Variants in CXCR5 observed in about 807,000 individuals in gnomAD.
The protein encoded by CXCR5 is C-X-C chemokine receptor type 5.
In CXCR5, 3 loss-of-function variants were observed where a neutral mutation model predicts 5.6. The observed-to-expected ratio is 0.54, with a 90% CI of 0.24 to 1.39. The LOEUF (loss-of-function observed/expected upper bound fraction) is 1.39, where lower values mean the gene tolerates loss of function less well. Among genes scored for constraint, CXCR5 ranks in the 40% most tolerant of loss-of-function variants. CXCR5 has a pLI of 0.16. For missense variants in CXCR5, 333 were observed against 494.6 expected (o/e 0.67, Z 3.10); for synonymous variants, 218 against 219.9 (o/e 0.99, Z 0.08).
intron 1 of CXCR5, 79 bp downstream of exon 1, chr11:118,884,071 G>T: frequency 7.0e-7 from 1 of 1,426,530 alleles, no homozygotes; most frequent in South Asian, 1.2e-5. Flanking sequence ...CCGAGGGAGA[G>T]GGGACAGTGT....
intron 1 of CXCR5, among the ~76,000 whole-genome samples, chr11:118,890,016 GCCCTGCTTCTCTCCT>G (rs1434498428): frequency 1.3e-5 from 2 of 152,184 alleles, no homozygotes; most frequent in Non-Finnish European, 1.5e-5. Context: ...ACCGCCCCAG[GCCCTGCTTCTCTCCT>G]CCCTGTCTGA....
intron 1 of CXCR5, chr11:118,886,262 T>A: frequency 9.4e-6 from 4 of 427,360 alleles, no homozygotes; most frequent in Admixed American, 3.0e-5. Flanking sequence ...CCATACCAGG[T>A]ATTGGTTCAC....
In CXCR5 at chr11:118,893,865, C is replaced by T. The variant is rs369772789; in HGVS notation, c.321C>T (p.Ala107=). Reference sequence around the variant, plus strand: ...TGCTGGTCTTCATCTTGCCCTTTGCCGTGGCCGAGGGCTCTGTGGGCTGGG... The same window carrying T: ...TGCTGGTCTTCATCTTGCCCTTTGCTGTGGCCGAGGGCTCTGTGGGCTGGG... The part of the protein sequence containing the change: ...DLLLVFILPF[A]VAEGSVGWVL... The change falls in exon 2 of 2, where the codon GCC becomes GCT. Residue 107 remains alanine, a synonymous_variant. Transcript: ENST00000292174. The surrounding 1 kb of genome is among the most constrained non-coding windows in gnomAD (Gnocchi z 5.7). The T allele has an allele frequency of 2.0e-5, 32 of 1,614,046 alleles. No individual in the cohort carries two copies. Among genetic ancestry groups the T allele is most frequent in the Non-Finnish European group, 2.5e-5 (29 of 1,180,054 alleles).
intron 1 of CXCR5, among the ~76,000 whole-genome samples, chr11:118,885,007 T>A (rs1939688376): frequency 6.6e-6 from 1 of 152,112 alleles, no homozygotes; most frequent in South Asian, 2.1e-4. Flanking sequence ...TCCTACCAAC[T>A]CTCCTGTCCC....
At chr11:118,886,236 T>TCCTCCTTG in intron 1 of CXCR5, 1 of 415,926 alleles carries the variant, frequency 2.4e-6, no homozygotes, top group Non-Finnish European at 4.6e-6. Flanking sequence ...CTTCCTATTC[T>TCCTCCTTG]CCTCCTTGTC....
intron 1 of CXCR5, among the ~76,000 whole-genome samples, chr11:118,892,091 C>T (rs1591966770): frequency 6.6e-6 from 1 of 152,044 alleles, no homozygotes; most frequent in East Asian, 1.9e-4. Context: ...GAGATGGTCT[C>T]CTGAGCATTA....
At chr11:118,887,483 C>T in intron 1 of CXCR5, 1 of 953,398 alleles carries the variant, frequency 1.0e-6, no homozygotes, top group South Asian at 4.8e-5. Context: ...CTTAAACTCT[C>T]CCCCTAACAC....
rs1298877247 is a variant in CXCR5 at position 118,894,610 on chromosome 11, C to T, written c.1066C>T (p.Arg356Cys). 2.6e-6 allele frequency: 4 copies of T among 1,520,386 alleles called. No homozygotes were observed. The highest frequency in any genetic ancestry group is 2.8e-5 in the African/African-American group (2 of 71,812). 94.2% of individuals were successfully genotyped at this position (1,520,386 alleles called of 1,614,324 possible). A position where few individuals can be genotyped will look rare whatever the true frequency, so the allele number is the denominator to read the frequency against. ...CCTGTGCCAGCTCTTCCCTAGCTGG[C>T]GCAGGAGCAGTCTCTCTGAGTCAGA... ...ASLCQLFPSW[R>C]RSSLSESENA... The change falls in exon 2 of 2, where the codon CGC becomes TGC. Residue 356 changes from arginine to cysteine, a missense_variant. Coordinates refer to ENST00000292174, the MANE Select transcript of CXCR5 (RefSeq NM_001716.5). The surrounding 1 kb of genome is among the most constrained non-coding windows in gnomAD (Gnocchi z 6.1).
chr11:118,889,723 C>T (rs1160270358), intron 1 of CXCR5, among the ~76,000 whole-genome samples: 1 of 152,168 alleles, frequency 6.6e-6, no homozygotes, highest in African/African-American at 2.4e-5. Context: ...CCCATCTTAC[C>T]CTCTCTGAAC....
chr11:118,894,983 A>G lies in CXCR5; in HGVS notation c.*320A>G, dbSNP rs1237552393. ...CCATCCTAATCATCCAATGCTCAAG[A>G]AACAACTTCTACTTCTGCCCTTGCC... On this transcript the variant is annotated 3_prime_UTR_variant, in exon 2 of 2. Transcript: ENST00000292174. This position sits in a 1 kb window ranked among gnomAD's most constrained non-coding sequence, Gnocchi z 6.1. The G allele has an allele frequency of 6.8e-6, 2 of 293,590 alleles. No homozygotes were observed. The highest frequency in any genetic ancestry group is 5.1e-5 in the Admixed American group (1 of 19,754). The allele number at this position is 293,590 out of a possible 1,614,324, so 18.2% of individuals were successfully genotyped here.
rs1939956838 is a variant in CXCR5 at position 118,897,373 on chromosome 11, G to A, written c.*2710G>A. Reference sequence around the variant, plus strand: ...TCCTTCATCCCAAACTGGGACAAAAGACTTCAAGTTCTGGCTAAGATGTAG... The same window carrying A: ...TCCTTCATCCCAAACTGGGACAAAAAACTTCAAGTTCTGGCTAAGATGTAG... On this transcript the variant is annotated 3_prime_UTR_variant, in exon 2 of 2. Coordinates refer to ENST00000292174, the MANE Select transcript of CXCR5 (RefSeq NM_001716.5). 5.4e-6 allele frequency: 1 copy of A among 184,222 alleles called. No individual in the cohort carries two copies. Among genetic ancestry groups the A allele is most frequent in the Non-Finnish European group, 1.2e-5 (1 of 86,084 alleles). The allele number at this position is 184,222 out of a possible 1,614,324, so 11.4% of individuals were successfully genotyped here. A position where few individuals can be genotyped will look rare whatever the true frequency, so the allele number is the denominator to read the frequency against.
rs537459692 is a variant in CXCR5 at position 118,884,322 on chromosome 11, C to A, written c.51+330C>A. Among the ~76,000 whole-genome samples, 274 of 152,188 alleles carry A rather than the reference C, an allele frequency of 1.8e-3. 1 individual carries two copies. The highest frequency in any genetic ancestry group is 2.9e-3 in the Non-Finnish European group (200 of 68,016). ...TCTTTCTCTCCTTTTCTCTTAGGGTCGGAATATGGAACTAGACAGGAAAGT... is the reference window on the plus strand; with the variant it reads ...TCTTTCTCTCCTTTTCTCTTAGGGTAGGAATATGGAACTAGACAGGAAAGT... On this transcript the variant is annotated intron_variant, in intron 1 of 1. Coordinates refer to ENST00000292174, the MANE Select transcript of CXCR5 (RefSeq NM_001716.5).
chr11:118,894,034 C>T lies in CXCR5; in HGVS notation c.490C>T (p.Leu164Phe), dbSNP rs149961413. 1.9e-6 allele frequency: 3 copies of T among 1,613,946 alleles called. No individual in the cohort carries two copies. The highest frequency in any genetic ancestry group is 2.2e-5 in the East Asian group (1 of 44,870). Residue 164 changes from leucine to phenylalanine, a missense_variant, in exon 2 of 2, where the codon CTC becomes TTC. Physicochemically the swap from Leu to Phe is conservative, Grantham distance 22 (BLOSUM62 0). Transcript: ENST00000292174. The surrounding 1 kb of genome is among the most constrained non-coding windows in gnomAD (Gnocchi z 6.1). ...AVHAYRHRRL[L>F]SIHITCGTIW... Reference sequence around the variant, plus strand: ...CCATGCCTACCGCCACCGCCGCCTCCTCTCCATCCACATCACCTGTGGGAC... The same window carrying T: ...CCATGCCTACCGCCACCGCCGCCTCTTCTCCATCCACATCACCTGTGGGAC...
chr11:118,885,494 C>G (rs1591963473), intron 1 of CXCR5, among the ~76,000 whole-genome samples: 1 of 152,174 alleles, frequency 6.6e-6, no homozygotes, highest in Admixed American at 6.5e-5. Context: ...ACTAAAAACC[C>G]GCGGCCCCAA....
chr11:118,894,410 C>T lies in CXCR5; in HGVS notation c.866C>T (p.Ala289Val), dbSNP rs775974861. ...IFLDTLARLK[A>V]VDNTCKLNGS... is the part of the protein sequence containing the mutation. ...CTGGACACCCTGGCGAGGCTGAAGGCCGTGGACAATACCTGCAAGCTGAAT... is the reference window on the plus strand; with the variant it reads ...CTGGACACCCTGGCGAGGCTGAAGGTCGTGGACAATACCTGCAAGCTGAAT... Residue 289 changes from alanine to valine, a missense_variant, in exon 2 of 2, where the codon GCC becomes GTC. Ala to Val is a moderately conservative substitution (Grantham distance 64). Transcript: ENST00000292174. This position sits in a 1 kb window ranked among gnomAD's most constrained non-coding sequence, Gnocchi z 6.1. 6.2e-7 allele frequency: 1 copy of T among 1,614,234 alleles called. No individual in the cohort carries two copies. The highest frequency in any genetic ancestry group is 8.5e-7 in the Non-Finnish European group (1 of 1,180,042).
At chr11:118,887,343 A>G in intron 1 of CXCR5, 1 of 985,398 alleles carries the variant, frequency 1.0e-6, no homozygotes, top group Non-Finnish European at 1.2e-6. Flanking sequence ...AGAGGCTGCC[A>G]CACACACCTG....
At chr11:118,890,574 A>T (rs1939794023) in intron 1 of CXCR5, among the ~76,000 whole-genome samples, 1 of 152,080 alleles carries the variant, frequency 6.6e-6, no homozygotes, top group Non-Finnish European at 1.5e-5. Context: ...GTTTGGAGAC[A>T]GGAATGTGTT....
rs3922 is a variant in CXCR5, at chr11:118,894,891, A to G, written c.*228A>G. On this transcript the variant is annotated 3_prime_UTR_variant, in exon 2 of 2. Coordinates refer to ENST00000292174, the MANE Select transcript of CXCR5 (RefSeq NM_001716.5). The surrounding 1 kb of genome is among the most constrained non-coding windows in gnomAD (Gnocchi z 6.1). Reference sequence around the variant, plus strand: ...GAGCCCAGGGAGCGGAAAGCAGCTCAAAGGCACAGTGAAGGCTGTCCTTAC... The same window carrying G: ...GAGCCCAGGGAGCGGAAAGCAGCTCGAAGGCACAGTGAAGGCTGTCCTTAC... 195,930 of 454,224 alleles carry G rather than the reference A, an allele frequency of 0.43. 44,753 individuals carry two copies. Among genetic ancestry groups the G allele is most frequent in the African/African-American group, 0.63 (31,759 of 50,084 alleles). 28.1% of individuals were successfully genotyped at this position (454,224 alleles called of 1,614,324 possible).
At position 118,894,676 on chromosome 11, in the gene CXCR5, CCT is replaced by C. The variant is rs1194543595; in HGVS notation, c.*14_*15del. On this transcript the variant is annotated 3_prime_UTR_variant, in exon 2 of 2. Coordinates refer to ENST00000292174, the MANE Select transcript of CXCR5 (RefSeq NM_001716.5). The surrounding 1 kb of genome is among the most constrained non-coding windows in gnomAD (Gnocchi z 6.1). ...CACCACGTTCTAGGTCCCAGTGTCC[CCT>C]TTTATTGCTGCTTTTCCTTGGGGCA... The C allele has an allele frequency of 2.0e-6, 3 of 1,504,612 alleles. No homozygotes were observed. The highest frequency in any genetic ancestry group is 2.3e-5 in the East Asian group (1 of 43,728). The allele number at this position is 1,504,612 out of a possible 1,614,324, so 93.2% of individuals were successfully genotyped here.
Sources: allele counts gnomAD v4.1 joint callset (sites outside exome capture counted in the v4.1 genomes callset), GRCh38; gene constraint gnomAD v4.1.1; non-coding constraint Gnocchi (gnomAD v3.1); transcripts MANE v1.5; gene names NCBI Gene and HGNC (gene_info 2026-07-23, HGNC 2026-07-21).